Variants in MORN5 observed in about 807,000 individuals in gnomAD.
MORN5 encodes MORN repeat containing 5, also known as MORN repeat-containing protein 5.
In MORN5, 21 loss-of-function variants were observed where a neutral mutation model predicts 22.1. The ratio of observed to expected loss-of-function variants is 0.95; its 90% confidence interval spans 0.67 to 1.37. The LOEUF is 1.37. Among genes scored for constraint, MORN5 ranks in the 40% most tolerant of loss-of-function variants. MORN5 has a pLI of 0.00. For missense variants in MORN5, 211 were observed against 215.1 expected (o/e 0.98, Z 0.12); for synonymous variants, 73 against 74.0 (o/e 0.99, Z 0.07).
At chr9:122,161,365 T>C (rs1379920710) in intron 1 of MORN5, among the ~76,000 whole-genome samples, 1 of 152,220 alleles carries the variant, frequency 6.6e-6, no homozygotes, top group Non-Finnish European at 1.5e-5. Flanking sequence ...GAAGATGTTA[T>C]TATCTTTCCA....
In MORN5 at chr9:122,166,792, C is replaced by T. The variant is rs141317577; in HGVS notation, c.72C>T (p.Ile24=). 2 of 1,613,746 alleles carry T rather than the reference C, an allele frequency of 1.2e-6. No individual in the cohort carries two copies. The highest frequency in any genetic ancestry group is 1.7e-6 in the Non-Finnish European group (2 of 1,179,844). ...GGATGGAGGGCAAAGCCAAGTACATCCTCCCTACCGAAACAATATATGTTG... is the reference window on the plus strand; with the variant it reads ...GGATGGAGGGCAAAGCCAAGTACATTCTCCCTACCGAAACAATATATGTTG... ...DGRMEGKAKY[I]LPTETIYVGE... is the part of the protein sequence containing the mutation. The change falls in exon 2 of 5, where the codon ATC becomes ATT. Residue 24 remains isoleucine, a synonymous_variant. Coordinates refer to ENST00000373764, the MANE Select transcript of MORN5 (RefSeq NM_198469.4).
chr9:122,193,643 G>T (rs7859776), intron 4 of MORN5, among the ~76,000 whole-genome samples: 75,239 of 152,216 alleles, frequency 0.49, 21,407 homozygotes, highest in African/African-American at 0.77. Flanking sequence ...GTAATTGTTA[G>T]CACCTTGCTT....
At chr9:122,164,673 T>C (rs1293615566) in intron 1 of MORN5, 2 of 979,968 alleles carry the variant, frequency 2.0e-6, no homozygotes, top group Non-Finnish European at 2.4e-6. Context: ...GGGTCTAACC[T>C]CAGAGAAGGG....
At chr9:122,184,951 G>C (rs1829591019) in intron 4 of MORN5, among the ~76,000 whole-genome samples, 1 of 152,234 alleles carries the variant, frequency 6.6e-6, no homozygotes, top group Non-Finnish European at 1.5e-5. Context: ...ATATTTTATA[G>C]AGATATAAAA....
chr9:122,186,250 A>AG (rs562037943), intron 4 of MORN5, among the ~76,000 whole-genome samples: 266 of 152,274 alleles, frequency 1.7e-3, no homozygotes, highest in Non-Finnish European at 2.8e-3. Flanking sequence ...TGGCAGATGC[A>AG]GAAACTGAGG....
At chr9:122,196,174 G>A (rs1042987990) in intron 4 of MORN5, among the ~76,000 whole-genome samples, 8 of 151,542 alleles carry the variant, frequency 5.3e-5, no homozygotes, top group African/African-American at 1.9e-4. Flanking sequence ...GCCCAGGCTG[G>A]ATTAAAACTC....
At chr9:122,176,890 G>T (rs1829460136) in intron 4 of MORN5, among the ~76,000 whole-genome samples, 1 of 152,100 alleles carries the variant, frequency 6.6e-6, no homozygotes. Context: ...AAAATAAAAA[G>T]AAAAATGGAA....
chr9:122,193,814 T>G (rs1588318103), intron 4 of MORN5, among the ~76,000 whole-genome samples: 1 of 152,198 alleles, frequency 6.6e-6, no homozygotes, highest in Admixed American at 6.5e-5. Flanking sequence ...CTGGCGAGCA[T>G]GCACGTGGAC....
chr9:122,199,774 C>A lies in MORN5; in HGVS notation c.440-111C>A. The A allele has an allele frequency of 8.6e-6, 8 of 931,696 alleles. No individual in the cohort carries two copies. The Admixed American group carries it at 1.4e-4, about 16-fold the overall frequency. 57.7% of individuals were successfully genotyped at this position (931,696 alleles called of 1,614,324 possible). A position where few individuals can be genotyped will look rare whatever the true frequency, so the allele number is the denominator to read the frequency against. On this transcript the variant is annotated intron_variant, in intron 4 of 4. Transcript: ENST00000373764. Reference sequence around the variant, plus strand: ...TCCTCCCCACACAAAACTACACAGACTGGCCATCGACGGACCATCCCAGTC... The same window carrying A: ...TCCTCCCCACACAAAACTACACAGAATGGCCATCGACGGACCATCCCAGTC...
chr9:122,176,184 T>C (rs568687644), intron 4 of MORN5, among the ~76,000 whole-genome samples: 40 of 149,618 alleles, frequency 2.7e-4, no homozygotes, highest in Admixed American at 2.7e-4. Context: ...ATCCTGGAGC[T>C]AAGATGCCCG....
chr9:122,192,691 G>C (rs1488581467), intron 4 of MORN5, among the ~76,000 whole-genome samples: 4 of 152,184 alleles, frequency 2.6e-5, no homozygotes, highest in African/African-American at 9.6e-5. Flanking sequence ...CCTGAGTGGG[G>C]TTAGTGCCCA....
chr9:122,166,926 G>C lies in MORN5; in HGVS notation c.195+11G>C, dbSNP rs762858232. The C allele has an allele frequency of 1.7e-5, 28 of 1,611,078 alleles. No homozygotes were observed. Among genetic ancestry groups the C allele is most frequent in the Middle Eastern group, 1.6e-4 (1 of 6,078 alleles). ...GGATTGGCCATAAAGGTGATCAGCT[G>C]GGGGGACGGATGCTGTGGAGGAGAG... is the stretch of plus-strand genomic sequence containing the variant. On this transcript the variant is annotated intron_variant, in intron 2 of 4. Coordinates refer to ENST00000373764, the MANE Select transcript of MORN5 (RefSeq NM_198469.4).
chr9:122,167,056 C>CT (rs35889616), intron 2 of MORN5, 141 bp downstream of exon 2: 73,041 of 444,518 alleles, frequency 0.16, 3,677 homozygotes, highest in African/African-American at 0.37. Flanking sequence ...ACTCCCCCCA[C>CT]TTTTTTTTTT....
chr9:122,160,125 T>C, intron 1 of MORN5, 106 bp downstream of exon 1: 1 of 1,011,342 alleles, frequency 9.9e-7, no homozygotes, highest in Non-Finnish European at 1.5e-6. Flanking sequence ...TTTCACAAAC[T>C]TGCCCGAGTA....
At chr9:122,187,188 C>T (rs759215533) in intron 4 of MORN5, among the ~76,000 whole-genome samples, 1 of 152,248 alleles carries the variant, frequency 6.6e-6, no homozygotes, top group Non-Finnish European at 1.5e-5. Flanking sequence ...AGTCGTGATC[C>T]TTTTACACCC....
At chr9:122,171,946 C>CTTTTTTT (rs71371928) in intron 3 of MORN5, among the ~76,000 whole-genome samples, 1 of 58,572 alleles carries the variant, frequency 1.7e-5, no homozygotes, top group Non-Finnish European at 3.3e-5. Flanking sequence ...TCACTTCCAT[C>CTTTTTTT]TTTTTTTTTT....
At chr9:122,166,737 A>G in intron 1 of MORN5, 31 bp from the exon 2 acceptor site, 1 of 1,600,414 alleles carries the variant, frequency 6.2e-7, no homozygotes, top group Non-Finnish European at 8.5e-7. Flanking sequence ...GCTGTCACAC[A>G]GGGCTCAGTG....
At chr9:122,171,156 G>A (rs1036431867) in intron 3 of MORN5, among the ~76,000 whole-genome samples, 1 of 152,240 alleles carries the variant, frequency 6.6e-6, no homozygotes, top group East Asian at 1.9e-4. Flanking sequence ...GAAATTGTGG[G>A]TTTGAGTCCT....
intron 1 of MORN5, among the ~76,000 whole-genome samples, chr9:122,166,057 C>T (rs567109151): frequency 6.6e-6 from 1 of 152,208 alleles, no homozygotes; most frequent in South Asian, 2.1e-4. Context: ...GCACATCTTA[C>T]ATGGCAGCAG....
Sources: gnomAD v4.1 joint callset for allele counts (sites outside exome capture counted in the v4.1 genomes callset) on GRCh38, gnomAD v4.1.1 for gene constraint, MANE v1.5 for transcripts, NCBI Gene and HGNC (gene_info 2026-07-23, HGNC 2026-07-21) for gene names.